ERCC5: variants seen among roughly 807,000 people sequenced by gnomAD.
ERCC5 encodes the protein ERCC excision repair 5, endonuclease.
Under a neutral mutation model 105.6 loss-of-function variants are expected in ERCC5, and 68 were observed. That is an observed-to-expected ratio of 0.64 (90% CI 0.53 to 0.79). The LOEUF is 0.79. Ranked by LOEUF, ERCC5 falls within the 30% of genes least tolerant of loss-of-function variation. The pLI, the probability that ERCC5 is intolerant of heterozygous loss-of-function variation, is 0.00. For synonymous variants in ERCC5, 546 were observed against 526.2 expected (o/e 1.04, Z -0.51); for missense variants, 1,373 against 1,426.7 (o/e 0.96, Z 0.61).
intron 9 of ERCC5, 139 bp downstream of exon 9, chr13:102,866,050 G>T (rs890774091): frequency 5.9e-6 from 9 of 1,537,162 alleles, no homozygotes; most frequent in Non-Finnish European, 7.1e-6. Context: ...TCATTTTTGT[G>T]TAGGTTACTG....
intron 1 of ERCC5, among the ~76,000 whole-genome samples, chr13:102,848,377 T>C (rs1882061732): frequency 6.6e-6 from 1 of 152,272 alleles, no homozygotes. Flanking sequence ...CTAAATTGTT[T>C]GGTCTTTAAA....
chr13:102,857,728 G>A (rs1882477174), intron 5 of ERCC5, among the ~76,000 whole-genome samples: 1 of 152,106 alleles, frequency 6.6e-6, no homozygotes, highest in South Asian at 2.1e-4. Flanking sequence ...TCTGTCTTGG[G>A]TTCTTGCATT....
At position 102,866,617 on chromosome 13, in the gene ERCC5, C is replaced by A; in HGVS notation, c.2320-15C>A. ...GCCCTTCCCTGGGCGTCACTGTGTA[C>A]CCCTCACTCTGCAGGAACTCCTGCG... On this transcript the variant is annotated splice_polypyrimidine_tract_variant and intron_variant, in intron 10 of 14. Coordinates refer to ENST00000652225, the MANE Select transcript of ERCC5 (RefSeq NM_000123.4). The A allele has an allele frequency of 6.2e-7, 1 of 1,612,428 alleles. No homozygotes were observed. Among genetic ancestry groups the A allele is most frequent in the South Asian group, 1.1e-5 (1 of 91,000 alleles).
Position 102,854,412 on chromosome 13 carries a change from T to A in ERCC5, c.467+38T>A, listed in dbSNP as rs769861219. The A allele has an allele frequency of 2.1e-5, 33 of 1,593,060 alleles. No homozygotes were observed. In the Admixed American group the frequency reaches 5.5e-4, roughly 27 times the overall value. On this transcript the variant is annotated intron_variant, in intron 4 of 14. Transcript: ENST00000652225. ...CTATTTAAGAATATTATTTTAGTCA[T>A]TGCTACATTCAGACACATTTAAACC...
At chr13:102,863,152 CTG>C (rs767623097) in intron 8 of ERCC5, 49 bp downstream of exon 8, 1 of 1,589,350 alleles carries the variant, frequency 6.3e-7, no homozygotes, top group Non-Finnish European at 8.6e-7. Context: ...GATTTCCCCT[CTG>C]TAGGAATTCA....
chr13:102,846,529 CG>C (rs1303204604), intron 1 of ERCC5, among the ~76,000 whole-genome samples, 175 bp downstream of exon 1: 1 of 152,094 alleles, frequency 6.6e-6, no homozygotes, highest in Non-Finnish European at 1.5e-5. Context: ...TCGGTATCCC[CG>C]GGGCTTTGGT....
intron 6 of ERCC5, among the ~76,000 whole-genome samples, chr13:102,860,986 A>AT (rs11361768): frequency 6.5e-5 from 7 of 107,330 alleles, no homozygotes; most frequent in East Asian, 2.7e-4. Flanking sequence ...AGTATTCATG[A>AT]TTTTTTTTTT....
Position 102,875,893 on chromosome 13 carries a change from G to A in ERCC5, c.3551G>A (p.Arg1184Lys), listed in dbSNP as rs199925057. The change falls in exon 15 of 15, where the codon AGG becomes AAG. Residue 1184 changes from arginine (R) to lysine (K), a missense_variant. Physicochemically the swap from Arg to Lys is conservative, Grantham distance 26. Coordinates refer to ENST00000652225, the MANE Select transcript of ERCC5 (RefSeq NM_000123.4). ...RKLRRARGRK[R>K]KT ...CTAAGACGTGCGAGGGGAAGAAAAA[G>A]GAAAACCTAATTAAAAAATATGTAT... The A allele has an allele frequency of 6.2e-6, 10 of 1,606,718 alleles. No individual in the cohort carries two copies. In the African/African-American group the frequency reaches 1.3e-4, roughly 21 times the overall value.
intron 12 of ERCC5, 143 bp from the exon 13 acceptor site, chr13:102,872,055 A>C (rs1883051294): frequency 1.0e-6 from 1 of 987,658 alleles, no homozygotes; most frequent in African/African-American, 1.6e-5. Context: ...GGCTAATAGT[A>C]CTAAAATTAA....
Position 102,865,944 on chromosome 13 carries a change from C to T in ERCC5, c.2199+33C>T. The T allele has an allele frequency of 6.2e-7, 1 of 1,613,798 alleles. No individual in the cohort carries two copies. Among genetic ancestry groups the T allele is most frequent in the Middle Eastern group, 1.6e-4 (1 of 6,062 alleles). ...CGTAACATTGTGTTTCGACTTCTTG[C>T]TGAGGAAGCCAGGTTAAGTAGGTTT... On this transcript the variant is annotated intron_variant, in intron 9 of 14. Transcript: ENST00000652225. This position sits in a 1 kb window ranked among gnomAD's most constrained non-coding sequence, Gnocchi z 4.0.
intron 4 of ERCC5, 80 bp from the exon 5 acceptor site, chr13:102,855,972 G>A (rs1429087102): frequency 1.1e-4 from 158 of 1,406,460 alleles, no homozygotes; most frequent in Non-Finnish European, 2.0e-5. Flanking sequence ...CCCGTATAAC[G>A]AGCAGAGCCT....
intron 7 of ERCC5, 95 bp from the exon 8 acceptor site, chr13:102,861,935 A>T: frequency 6.6e-7 from 1 of 1,508,598 alleles, no homozygotes. Flanking sequence ...GTATATACTT[A>T]TTTATGAGAA....
chr13:102,875,810 G>C lies in ERCC5; in HGVS notation c.3468G>C (p.Gly1156=). 7.4e-6 allele frequency: 12 copies of C among 1,613,968 alleles called. No individual in the cohort carries two copies. Among genetic ancestry groups the C allele is most frequent in the Non-Finnish European group, 1.0e-5 (12 of 1,180,022 alleles). ...CTAGTGATAGTGATGACGATGGAGG[G>C]AAAGAGAAGATGGTCCTCGTGACCG... The part of the protein sequence containing the change: ...SSSSDSDDDG[G]KEKMVLVTAR... Residue 1156 remains glycine, a synonymous_variant, in exon 15 of 15, where the codon GGG becomes GGC. Transcript: ENST00000652225.
Sources: allele counts gnomAD v4.1 joint callset (sites outside exome capture counted in the v4.1 genomes callset), GRCh38; gene constraint gnomAD v4.1.1; non-coding constraint Gnocchi (gnomAD v3.1); transcripts MANE v1.5; gene names NCBI Gene and HGNC (gene_info 2026-07-23, HGNC 2026-07-21).